NOL9: variants seen among roughly 807,000 people sequenced by gnomAD.
The protein encoded by NOL9 is nucleolar protein 9, also known as polynucleotide 5'-hydroxyl-kinase NOL9.
NOL9 carries 28 observed loss-of-function variants against 67.9 expected under a neutral mutation model. That is an observed-to-expected ratio of 0.41 (90% confidence interval 0.31 to 0.57). The LOEUF is 0.57. Ranked by LOEUF, NOL9 falls within the 20% of genes least tolerant of loss-of-function variation. NOL9 has a pLI of 0.25. For synonymous variants in NOL9, 356 were observed against 352.2 expected (o/e 1.01, Z -0.12); for missense variants, 777 against 897.0 (o/e 0.87, Z 1.71).
At chr1:6,541,319 C>G (rs745818986) in intron 6 of NOL9, among the ~76,000 whole-genome samples, 4 of 152,082 alleles carry the variant, frequency 2.6e-5, no homozygotes, top group Non-Finnish European at 2.9e-5. Flanking sequence ...GGAGCTGGGA[C>G]TACAGGCGTG....
At position 6,550,432 on chromosome 1, in the gene NOL9, C is replaced by T; in HGVS notation, c.580G>A (p.Glu194Lys). The T allele has an allele frequency of 6.2e-7, 1 of 1,614,158 alleles. No homozygotes were observed. The change falls in exon 2 of 12, where the codon GAA becomes AAA. Residue 194 changes from glutamate to lysine, a missense_variant. Glu to Lys is a moderately conservative substitution (Grantham distance 56). Around this residue, in one of 2 missense-constraint regions of NOL9, gnomAD observed 364 missense variants for 344.4 expected, o/e 1.06. Coordinates refer to ENST00000377705, the MANE Select transcript of NOL9 (RefSeq NM_024654.5). ...PEKSKKELKREARNLLKSHLN... is the reference protein window; with the variant it reads ...PEKSKKELKRKARNLLKSHLN... ...TGAGATTTGAGCAAATTCCGGGCTT[C>T]CCTTTTCAGTTCCTTCTTGCTTTTC...
At chr1:6,533,562 G>T in intron 6 of NOL9, 121 bp from the exon 7 acceptor site, 1 of 674,776 alleles carries the variant, frequency 1.5e-6, no homozygotes, top group Non-Finnish European at 2.3e-6. Context: ...GGAAATCTGA[G>T]ACCATCCTAC....
chr1:6,525,348 C>T lies in NOL9; in HGVS notation c.*506G>A, dbSNP rs187765536. ...GAATATAACAGACCAAGTACAACTG[C>T]ACCAAATGGATGGGCTGTAACCATC... On this transcript the variant is annotated 3_prime_UTR_variant, in exon 12 of 12. Coordinates refer to ENST00000377705, the MANE Select transcript of NOL9 (RefSeq NM_024654.5). 5 of 165,144 alleles carry T rather than the reference C, an allele frequency of 3.0e-5. No individual in the cohort carries two copies. The highest frequency in any genetic ancestry group is 5.6e-5 in the Admixed American group (1 of 17,806). The allele number at this position is 165,144 out of a possible 1,614,324, so 10.2% of individuals were successfully genotyped here. A position where few individuals can be genotyped will look rare whatever the true frequency, so the allele number is the denominator to read the frequency against.
Position 6,548,168 on chromosome 1 carries a change from C to A in NOL9, c.744+1403G>T, listed in dbSNP as rs146273642. 9.6e-3 allele frequency: 1,146 copies of A among 118,806 alleles called. 15 individuals are homozygous for A. Among genetic ancestry groups the A allele is most frequent in the African/African-American group, 0.034 (1,033 of 30,254 alleles). The allele number at this position is 118,806 out of a possible 1,614,324, so 7.4% of individuals were successfully genotyped here. ...TTTTTTTTTTTTTTTTTTTTTGAGA[C>A]GGATTCTCACTCTGTCTCCCAGGCT... On this transcript the variant is annotated intron_variant, in intron 3 of 11. Transcript: ENST00000377705.
intron 2 of NOL9, among the ~76,000 whole-genome samples, chr1:6,550,036 A>G (rs76769967): frequency 3.4e-5 from 2 of 58,512 alleles, no homozygotes; most frequent in Admixed American, 4.8e-4. Context: ...CATCTAAAAT[A>G]ATTTTTTTTT....
rs763100036 is a variant in NOL9, at chr1:6,521,648, G to A, written c.*4206C>T. The A allele has an allele frequency of 6.6e-6, 1 of 152,200 alleles. No homozygotes were observed. Among genetic ancestry groups the A allele is most frequent in the Non-Finnish European group, 1.5e-5 (1 of 68,038 alleles). The allele number at this position is 152,200 out of a possible 1,614,324, so 9.4% of individuals were successfully genotyped here. A position where few individuals can be genotyped will look rare whatever the true frequency, so the allele number is the denominator to read the frequency against. ...GGGCTCTTTGACCACAGGAAGCTTG[G>A]TAGCAACAATTTTAAGGTGAACCTG... On this transcript the variant is annotated 3_prime_UTR_variant, in exon 12 of 12. Transcript: ENST00000377705.
At position 6,529,097 on chromosome 1, in the gene NOL9, G is replaced by A. The variant is rs749896571; in HGVS notation, c.1722C>T (p.Asn574=). ...TCTTGCAAAGACCAACCCAGCTGGC[G>A]TTTACAGCATATAGTATATGGGTAG... is the stretch of plus-strand genomic sequence containing the variant. ...VAPTHILYAV[N]ASWVGLCKIQ... The change falls in exon 10 of 12, where the codon AAC becomes AAT. Residue 574 remains asparagine (N), a synonymous_variant. Transcript: ENST00000377705. 24 of 1,613,974 alleles carry A rather than the reference G, an allele frequency of 1.5e-5. No individual in the cohort carries two copies. The highest frequency in any genetic ancestry group is 3.3e-4 in the Middle Eastern group (2 of 6,084).
rs1639624760 is a variant in NOL9 at position 6,554,431 on chromosome 1, C to G, written c.72G>C (p.Arg24=). ...GCCGGCGGCTGAGGATGAGCTGGGG[C>G]CGGGCCTTGCGGACCCGCAGCCAAG... ...RSTWLRVRKA[R]PQLILSRRPR... The change falls in exon 1 of 12, where the codon CGG becomes CGC. Residue 24 remains arginine (R), a synonymous_variant. Coordinates refer to ENST00000377705, the MANE Select transcript of NOL9 (RefSeq NM_024654.5). 2 of 1,548,148 alleles carry G rather than the reference C, an allele frequency of 1.3e-6. No individual in the cohort carries two copies. Among genetic ancestry groups the G allele is most frequent in the Middle Eastern group, 2.2e-4 (1 of 4,526 alleles).
At position 6,544,811 on chromosome 1, in the gene NOL9, G is replaced by A. The variant is rs1639384464; in HGVS notation, c.977+15C>T. On this transcript the variant is annotated intron_variant, in intron 5 of 11. Coordinates refer to ENST00000377705, the MANE Select transcript of NOL9 (RefSeq NM_024654.5). ...ACCTAGCAATGTGTCAAAGCCATAA[G>A]AAAAGCACTCTTACCTATTTAACAA... The A allele has an allele frequency of 3.7e-6, 6 of 1,613,352 alleles. No individual in the cohort carries two copies. The highest frequency in any genetic ancestry group is 5.1e-6 in the Non-Finnish European group (6 of 1,179,396).
At chr1:6,526,129 A>G in intron 11 of NOL9, 126 bp from the exon 12 acceptor site, 1 of 816,386 alleles carries the variant, frequency 1.2e-6, no homozygotes, top group Non-Finnish European at 2.0e-6. Context: ...CTCACTTTTA[A>G]GGCATTTGAT....
At chr1:6,536,653 C>T (rs1459115194) in intron 6 of NOL9, among the ~76,000 whole-genome samples, 1 of 151,926 alleles carries the variant, frequency 6.6e-6, no homozygotes, top group African/African-American at 2.4e-5. Flanking sequence ...CATAGGGAGA[C>T]CCTGTTTCTA....
chr1:6,547,133 A>G (rs1639436605), intron 3 of NOL9, among the ~76,000 whole-genome samples: 1 of 152,198 alleles, frequency 6.6e-6, no homozygotes, highest in African/African-American at 2.4e-5. Flanking sequence ...CAGAGCTGGA[A>G]CCATCTTGTT....
chr1:6,545,710 G>GCCCACGAGCACA (rs70981384), intron 3 of NOL9, among the ~76,000 whole-genome samples: 2 of 151,864 alleles, frequency 1.3e-5, no homozygotes, highest in Non-Finnish European at 2.9e-5. Flanking sequence ...GAAGGGCCCC[G>GCCCACGAGCACA]TCCTCTTGCA....
In NOL9 at chr1:6,540,117, A is replaced by AGTT. The variant is rs1639246095; in HGVS notation, c.1075+1710_1075+1712dup. Among the ~76,000 whole-genome samples the AGTT allele has an allele frequency of 4.9e-5, 2 of 40,538 alleles. 1 individual carries two copies. The highest frequency in any genetic ancestry group is 7.4e-4 in the Admixed American group (2 of 2,706). The allele number at this position is 40,538 out of a possible 152,430, so 26.6% of individuals were successfully genotyped here. ...TCTCCTGCCTCAGCCTCCCAAGGAG[A>AGTT]GTTATTCTTTTTTTTTTTTTTTTGA... On this transcript the variant is annotated intron_variant, in intron 6 of 11. Coordinates refer to ENST00000377705, the MANE Select transcript of NOL9 (RefSeq NM_024654.5).
At chr1:6,532,839 C>T (rs1375849889) in intron 7 of NOL9, 79 bp from the exon 8 acceptor site, 2 of 1,261,854 alleles carry the variant, frequency 1.6e-6, no homozygotes, top group Non-Finnish European at 2.2e-6. Context: ...GCTCCTACGA[C>T]AAATGGATGC....
At position 6,524,713 on chromosome 1, in the gene NOL9, A is replaced by C. The variant is rs529009871; in HGVS notation, c.*1141T>G. On this transcript the variant is annotated 3_prime_UTR_variant, in exon 12 of 12. Transcript: ENST00000377705. ...CAATTTGGACAAATCTACTTTTATA[A>C]GAGCCCCCAGAAGAGGTTTTCCAGA... 1 of 152,062 alleles carries C rather than the reference A, an allele frequency of 6.6e-6. No individual in the cohort carries two copies. Among genetic ancestry groups the C allele is most frequent in the Admixed American group, 6.5e-5 (1 of 15,268 alleles). The allele number at this position is 152,062 out of a possible 1,614,324, so 9.4% of individuals were successfully genotyped here.
rs1639500812 is a variant in NOL9, at chr1:6,549,717, A to G, written c.617-19T>C. ...CTGTCATCTGTAAAGAGAAAAATAA[A>G]CCACCTTAGAAGCAGTAACTTCATT... On this transcript the variant is annotated intron_variant, in intron 2 of 11. Coordinates refer to ENST00000377705, the MANE Select transcript of NOL9 (RefSeq NM_024654.5). The G allele has an allele frequency of 6.2e-7, 1 of 1,609,928 alleles. No homozygotes were observed. Among genetic ancestry groups the G allele is most frequent in the African/African-American group, 1.4e-5 (1 of 72,670 alleles).
chr1:6,549,489 A>G (rs1235372151), intron 3 of NOL9, 82 bp downstream of exon 3: 1 of 1,512,848 alleles, frequency 6.6e-7, no homozygotes, highest in Non-Finnish European at 9.0e-7. Context: ...CTGTTCTTCC[A>G]AGACAACATC....
Position 6,532,773 on chromosome 1 carries a change from G to C in NOL9, c.1238-13C>G, listed in dbSNP as rs367634406. ...AGGAGCCCCTGGTCTGTGGGGAAGA[G>C]ACATTAGCACAGCTGATACACTCAA... On this transcript the variant is annotated splice_polypyrimidine_tract_variant and intron_variant, in intron 7 of 11. Transcript: ENST00000377705. 1.6e-5 allele frequency: 26 copies of C among 1,605,828 alleles called. No homozygotes were observed. In the Admixed American group the frequency reaches 2.9e-4, roughly 18 times the overall value.
Sources: gnomAD v4.1 joint callset for allele counts (sites outside exome capture counted in the v4.1 genomes callset) on GRCh38, gnomAD v4.1.1 for gene constraint, gnomAD v4.1.1 regional missense constraint, MANE v1.5 for transcripts, NCBI Gene and HGNC (gene_info 2026-07-23, HGNC 2026-07-21) for gene names.